KCNMB2: variants seen among roughly 807,000 people sequenced by gnomAD.
KCNMB2 encodes the protein potassium calcium-activated channel subfamily M regulatory beta subunit 2.
In KCNMB2, 9 loss-of-function variants were observed where a neutral mutation model predicts 24.5. The ratio of observed to expected loss-of-function variants is 0.37; its 90% CI spans 0.22 to 0.64. KCNMB2 has a LOEUF of 0.64. Among genes scored for constraint, KCNMB2 ranks in the 30% least tolerant of loss-of-function variants. KCNMB2 has a pLI of 0.63. For missense variants in KCNMB2, 226 were observed against 284.3 expected (o/e 0.79, Z 1.47); for synonymous variants, 109 against 104.4 (o/e 1.04, Z -0.27).
At chr3:178,711,331 A>G (rs1305217557) in intron 1 of KCNMB2, among the ~76,000 whole-genome samples, 1 of 152,180 alleles carries the variant, frequency 6.6e-6, no homozygotes, top group Non-Finnish European at 1.5e-5. Context: ...TGTGCCTGGC[A>G]TTTGGTCTGC....
chr3:178,678,034 C>G (rs562974080), intron 1 of KCNMB2, among the ~76,000 whole-genome samples: 1 of 152,282 alleles, frequency 6.6e-6, no homozygotes, highest in Non-Finnish European at 1.5e-5. Context: ...CCTCTATAAA[C>G]GGGCCAGAAC....
intron 1 of KCNMB2, among the ~76,000 whole-genome samples, chr3:178,713,910 T>C (rs1168589243): frequency 1.3e-5 from 2 of 152,204 alleles, no homozygotes; most frequent in African/African-American, 4.8e-5. Flanking sequence ...CCCTCATCAT[T>C]AACCCTGTGG....
chr3:178,686,956 C>T (rs1304449315), intron 1 of KCNMB2, among the ~76,000 whole-genome samples: 1 of 151,454 alleles, frequency 6.6e-6, no homozygotes, highest in Non-Finnish European at 1.5e-5. Context: ...TCTTTTTAAC[C>T]ATGAAAGCAA....
intron 1 of KCNMB2, among the ~76,000 whole-genome samples, chr3:178,730,377 T>G (rs912892354): frequency 1.5e-5 from 1 of 67,820 alleles, no homozygotes; most frequent in African/African-American, 2.1e-4. Context: ...ACTGCTTTCC[T>G]TTATCTTTGT....
chr3:178,681,086 T>C (rs1486093632), intron 1 of KCNMB2, among the ~76,000 whole-genome samples: 4 of 152,182 alleles, frequency 2.6e-5, no homozygotes, highest in Non-Finnish European at 5.9e-5. Context: ...TAGCTGCCTA[T>C]TAAAATCACT....
intron 1 of KCNMB2, among the ~76,000 whole-genome samples, chr3:178,635,408 TACAC>T (rs58294929): frequency 0.092 from 13,368 of 144,788 alleles, 598 homozygotes; most frequent in Middle Eastern, 0.2. Context: ...TGCTTATGCA[TACAC>T]ACACACACAC....
chr3:178,636,795 C>T (rs778304871), intron 1 of KCNMB2, among the ~76,000 whole-genome samples: 2 of 151,412 alleles, frequency 1.3e-5, no homozygotes, highest in Non-Finnish European at 2.9e-5. Context: ...AGGTTTGTTA[C>T]AGAGGTAAAC....
chr3:178,622,081 A>C (rs1718943025), intron 1 of KCNMB2, among the ~76,000 whole-genome samples: 1 of 152,254 alleles, frequency 6.6e-6, no homozygotes, highest in African/African-American at 2.4e-5. Context: ...GGAATACTAA[A>C]TGAGATGAAT....
intron 1 of KCNMB2, among the ~76,000 whole-genome samples, chr3:178,799,083 G>A (rs1713671845): frequency 1.3e-5 from 2 of 151,952 alleles, no homozygotes; most frequent in South Asian, 4.2e-4. Context: ...ATACTGAATG[G>A]GGAAAAAATG....
At chr3:178,634,832 C>T (rs1312713392) in intron 1 of KCNMB2, among the ~76,000 whole-genome samples, 2 of 152,094 alleles carry the variant, frequency 1.3e-5, no homozygotes, top group Non-Finnish European at 2.9e-5. Flanking sequence ...GCCTCTATAA[C>T]TGTATATTTG....
At chr3:178,628,113 T>C (rs1237398281) in intron 1 of KCNMB2, among the ~76,000 whole-genome samples, 1 of 152,218 alleles carries the variant, frequency 6.6e-6, no homozygotes, top group Non-Finnish European at 1.5e-5. Flanking sequence ...AACAAACTTC[T>C]AATTATTATT....
intron 1 of KCNMB2, among the ~76,000 whole-genome samples, chr3:178,572,706 T>C (rs1044902412): frequency 1.3e-5 from 2 of 152,164 alleles, no homozygotes; most frequent in South Asian, 4.1e-4. Context: ...AAATGTGGAT[T>C]CCATGGATAA....
intron 1 of KCNMB2, among the ~76,000 whole-genome samples, chr3:178,758,628 A>ATC (rs1222899291): frequency 2.8e-5 from 2 of 70,714 alleles, no homozygotes; most frequent in African/African-American, 1.2e-4. Flanking sequence ...ATATATATAT[A>ATC]TATCTCTCTC....
chr3:178,608,292 A>G (rs1032397910), intron 1 of KCNMB2, among the ~76,000 whole-genome samples: 1 of 152,222 alleles, frequency 6.6e-6, no homozygotes, highest in African/African-American at 2.4e-5. Context: ...CCTGCAGGAC[A>G]TGGAGTTAAA....
intron 1 of KCNMB2, among the ~76,000 whole-genome samples, chr3:178,719,378 C>T (rs1024067772): frequency 6.6e-6 from 1 of 152,204 alleles, no homozygotes; most frequent in African/African-American, 2.4e-5. Flanking sequence ...CCACATTTAA[C>T]CTTGATCCCC....
intron 1 of KCNMB2, among the ~76,000 whole-genome samples, chr3:178,742,718 C>T (rs1386979771): frequency 1.3e-5 from 2 of 152,162 alleles, no homozygotes; most frequent in Admixed American, 6.5e-5. Flanking sequence ...GGCAGAAAAA[C>T]GTACCTGTAG....
chr3:178,634,515 G>A (rs1190734222), intron 1 of KCNMB2, among the ~76,000 whole-genome samples: 3 of 152,056 alleles, frequency 2.0e-5, no homozygotes, highest in Admixed American at 6.5e-5. Context: ...GATATCATGA[G>A]ATATCTGACT....
intron 1 of KCNMB2, among the ~76,000 whole-genome samples, chr3:178,777,897 G>A (rs1386329058): frequency 6.6e-6 from 1 of 152,154 alleles, no homozygotes; most frequent in African/African-American, 2.4e-5. Flanking sequence ...TTTACCCAGT[G>A]ATGAGTAAAA....
At position 178,720,247 on chromosome 3, in the gene KCNMB2, T is replaced by C. The variant is rs375989950; in HGVS notation, c.-67-87096T>C. ...CATGCAGTGTTTGGTTTTTTGTCCT[T>C]GCAATAGTTTACTGAGAATGATGAT... On this transcript the variant is annotated intron_variant, in intron 1 of 4. Coordinates refer to ENST00000452583, the MANE Select transcript of KCNMB2 (RefSeq NM_181361.3). Among the ~76,000 whole-genome samples the C allele has an allele frequency of 4.2e-3, 631 of 151,972 alleles. 4 individuals are homozygous for C. Among genetic ancestry groups the C allele is most frequent in the African/African-American group, 0.014 (596 of 41,400 alleles).
Sources: gnomAD v4.1 joint callset for allele counts (sites outside exome capture counted in the v4.1 genomes callset) on GRCh38, gnomAD v4.1.1 for gene constraint, MANE v1.5 for transcripts, NCBI Gene and HGNC (gene_info 2026-07-23, HGNC 2026-07-21) for gene names.